DPYD: variants seen among roughly 807,000 people sequenced by gnomAD.
DPYD encodes dihydropyrimidine dehydrogenase, also known as dihydropyrimidine dehydrogenase [NADP(+)].
A neutral mutation model predicts 116.2 loss-of-function variants in DPYD; 109 were observed. The observed-to-expected ratio is 0.94, with a 90% CI of 0.80 to 1.10. The LOEUF (loss-of-function observed/expected upper bound fraction) is 1.10. Ranked by LOEUF, DPYD falls within the 50% of genes least tolerant of loss-of-function variation. The pLI, the probability that DPYD is intolerant of heterozygous loss-of-function variation, is 0.00. For synonymous variants in DPYD, 440 were observed against 432.0 expected (o/e 1.02, Z -0.23); for missense variants, 1,302 against 1,254.5 (o/e 1.04, Z -0.57).
In DPYD at chr1:97,373,609, T is replaced by C. The variant is rs1360871886; in HGVS notation, c.2010A>G (p.Ser670=). The change falls in exon 16 of 23, where the codon TCA becomes TCG. Residue 670 remains serine (S), a synonymous_variant. Coordinates refer to ENST00000370192, the MANE Select transcript of DPYD (RefSeq NM_000110.4). ...SGADALELNL[S]CPHGMGERGM... ...CTCTTTCTCCCATGCCATGTGGACA[T>C]GATAAATTTAACTCCAGGGCATCTG... 6.2e-7 allele frequency: 1 copy of C among 1,613,804 alleles called. No homozygotes were observed. Among genetic ancestry groups the C allele is most frequent in the Non-Finnish European group, 8.5e-7 (1 of 1,179,848 alleles).
intron 20 of DPYD, among the ~76,000 whole-genome samples, chr1:97,160,462 G>A (rs1165450989): frequency 2.6e-5 from 4 of 151,976 alleles, no homozygotes; most frequent in Non-Finnish European, 4.4e-5. Flanking sequence ...TATACTACCT[G>A]AAAAATGTGA....
chr1:97,353,439 GT>G (rs771899116), intron 16 of DPYD, among the ~76,000 whole-genome samples: 176 of 152,188 alleles, frequency 1.2e-3, no homozygotes, highest in Non-Finnish European at 1.9e-3. Flanking sequence ...CCTCGGTGGG[GT>G]TTTTTCCCCC....
chr1:97,909,078 T>A (rs534985405), intron 1 of DPYD, among the ~76,000 whole-genome samples: 2 of 152,268 alleles, frequency 1.3e-5, no homozygotes, highest in East Asian at 3.9e-4. Context: ...ACAATCCTAC[T>A]ATACTTATTA....
chr1:97,186,796 C>G (rs944496416), intron 20 of DPYD, among the ~76,000 whole-genome samples: 7 of 151,870 alleles, frequency 4.6e-5, no homozygotes, highest in African/African-American at 7.3e-5. Flanking sequence ...TGCAGTGAGC[C>G]GAGAACGTGC....
chr1:97,874,251 C>T (rs1341225417), intron 2 of DPYD, among the ~76,000 whole-genome samples: 1 of 151,834 alleles, frequency 6.6e-6, no homozygotes, highest in Non-Finnish European at 1.5e-5. Flanking sequence ...TGCTTCTCAG[C>T]ACAGAGATGG....
chr1:97,660,692 C>A (rs1659203011), intron 8 of DPYD, among the ~76,000 whole-genome samples: 1 of 152,078 alleles, frequency 6.6e-6, no homozygotes, highest in African/African-American at 2.4e-5. Flanking sequence ...GTAAATAAAA[C>A]CTTACTACTT....
Position 97,078,714 on chromosome 1 carries a change from A to T in DPYD, c.*262T>A. 2.2e-6 allele frequency: 1 copy of T among 464,950 alleles called. No homozygotes were observed. Among genetic ancestry groups the T allele is most frequent in the East Asian group, 4.3e-5 (1 of 23,308 alleles). The allele number at this position is 464,950 out of a possible 1,614,324, so 28.8% of individuals were successfully genotyped here. A position where few individuals can be genotyped will look rare whatever the true frequency, so the allele number is the denominator to read the frequency against. ...TAATTTTTCACATAAGACAACTGGC[A>T]GTGAACATCCAATTAACTGCCACAC... On this transcript the variant is annotated 3_prime_UTR_variant, in exon 23 of 23. Coordinates refer to ENST00000370192, the MANE Select transcript of DPYD (RefSeq NM_000110.4).
chr1:97,185,877 C>T lies in DPYD; in HGVS notation c.2622+7192G>A, dbSNP rs1252115897. ...AGCTTCTAAGGTGTTGGCAATGTTGCATGCTTTGGCAGAGGTGAGGATTTC... is the reference window on the plus strand; with the variant it reads ...AGCTTCTAAGGTGTTGGCAATGTTGTATGCTTTGGCAGAGGTGAGGATTTC... On this transcript the variant is annotated intron_variant, in intron 20 of 22. Coordinates refer to ENST00000370192, the MANE Select transcript of DPYD (RefSeq NM_000110.4). Among the ~76,000 whole-genome samples the T allele has an allele frequency of 2.0e-5, 3 of 152,140 alleles. No homozygotes were observed. In the East Asian group the frequency reaches 5.8e-4, roughly 29 times the overall value.
chr1:97,111,015 T>C (rs952824296), intron 20 of DPYD, among the ~76,000 whole-genome samples: 1 of 151,328 alleles, frequency 6.6e-6, no homozygotes, highest in African/African-American at 2.4e-5. Flanking sequence ...TTAAAAAAAA[T>C]AAACAAAACC....
intron 13 of DPYD, among the ~76,000 whole-genome samples, chr1:97,490,078 C>T (rs1678881908): frequency 6.6e-6 from 1 of 151,912 alleles, no homozygotes; most frequent in African/African-American, 2.4e-5. Flanking sequence ...ATTATACTAC[C>T]TCTACTCCAT....
intron 2 of DPYD, among the ~76,000 whole-genome samples, chr1:97,843,298 C>A (rs192447426): frequency 2.0e-5 from 3 of 152,270 alleles, no homozygotes; most frequent in Non-Finnish European, 2.9e-5. Context: ...CACCCCTACA[C>A]CTATCTATAT....
intron 8 of DPYD, among the ~76,000 whole-genome samples, chr1:97,659,700 G>A (rs1483374987): frequency 6.6e-6 from 1 of 152,102 alleles, no homozygotes; most frequent in Non-Finnish European, 1.5e-5. Context: ...GTAATGCTGT[G>A]AAGTTTACCT....
chr1:97,475,215 T>C (rs1677886113), intron 13 of DPYD, among the ~76,000 whole-genome samples: 1 of 152,218 alleles, frequency 6.6e-6, no homozygotes, highest in South Asian at 2.1e-4. Context: ...GAGTTATTCA[T>C]CAATTGACAT....
chr1:97,913,967 T>C (rs1005418832), intron 1 of DPYD, among the ~76,000 whole-genome samples: 15 of 152,050 alleles, frequency 9.9e-5, no homozygotes, highest in South Asian at 2.1e-4. Context: ...GGATTAATTA[T>C]TGATGAAGAG....
chr1:97,616,170 C>T (rs574883829), intron 8 of DPYD, among the ~76,000 whole-genome samples: 6 of 151,614 alleles, frequency 4.0e-5, no homozygotes, highest in Non-Finnish European at 8.8e-5. Flanking sequence ...GAACTCTTTA[C>T]GGAGTTTCTG....
intron 18 of DPYD, among the ~76,000 whole-genome samples, chr1:97,245,240 G>A (rs999079408): frequency 9.9e-5 from 15 of 152,074 alleles, no homozygotes; most frequent in Admixed American, 4.6e-4. Flanking sequence ...AGGCAGGGCC[G>A]TGTGGTTAGA....
chr1:97,823,023 A>G (rs1334863036), intron 3 of DPYD, among the ~76,000 whole-genome samples: 2 of 152,264 alleles, frequency 1.3e-5, no homozygotes, highest in East Asian at 3.8e-4. Context: ...ATTGGCACAT[A>G]ATAGTTGCAC....
intron 3 of DPYD, among the ~76,000 whole-genome samples, chr1:97,814,421 T>C (rs1362292337): frequency 6.6e-6 from 1 of 152,078 alleles, no homozygotes; most frequent in Non-Finnish European, 1.5e-5. Context: ...AAAATGGATT[T>C]TTAAGGAAAG....
intron 1 of DPYD, among the ~76,000 whole-genome samples, chr1:97,895,236 A>G (rs970894098): frequency 1.3e-5 from 2 of 151,742 alleles, no homozygotes; most frequent in Non-Finnish European, 2.9e-5. Flanking sequence ...CCTTTTGTGT[A>G]TAAAATACTC....
Sources: gnomAD v4.1 joint callset for allele counts (sites outside exome capture counted in the v4.1 genomes callset) on GRCh38, gnomAD v4.1.1 for gene constraint, MANE v1.5 for transcripts, NCBI Gene and HGNC (gene_info 2026-07-23, HGNC 2026-07-21) for gene names.